The following TG variants were observed in gnomAD, a reference collection of about 807,000 sequenced individuals.
TG encodes the protein thyroid hormones.
Under a neutral mutation model 324.7 loss-of-function variants are expected in TG, and 270 were observed. That is an observed-to-expected ratio of 0.83 (90% CI 0.75 to 0.92). The LOEUF is 0.92. Ranked by LOEUF, TG falls within the 40% of genes least tolerant of loss-of-function variation. TG has a pLI of 0.00. For synonymous variants in TG, 1,401 were observed against 1,327.0 expected (o/e 1.06, Z -1.21); for missense variants, 3,591 against 3,456.4 (o/e 1.04, Z -0.98).
intron 34 of TG, among the ~76,000 whole-genome samples, chr8:132,975,701 A>AT (rs1484309252): frequency 6.6e-6 from 1 of 152,062 alleles, no homozygotes; most frequent in Non-Finnish European, 1.5e-5. Context: ...ATCTCACTTA[A>AT]TTTTCACACC....
intron 35 of TG, among the ~76,000 whole-genome samples, chr8:132,987,495 T>G (rs140281813): frequency 3.9e-4 from 59 of 152,330 alleles, no homozygotes; most frequent in Admixed American, 8.5e-4. Flanking sequence ...TCATATAATA[T>G]TCACAAGAAA....
intron 35 of TG, chr8:133,003,073 C>A (rs1377364024): frequency 1.1e-5 from 12 of 1,060,990 alleles, no homozygotes; most frequent in South Asian, 3.3e-5. Context: ...TTGTGTTTGT[C>A]ATTTTGGCGA....
intron 12 of TG, 115 bp from the exon 13 acceptor site, chr8:132,898,054 C>A: frequency 9.2e-7 from 1 of 1,091,410 alleles, no homozygotes; most frequent in Non-Finnish European, 1.4e-6. Flanking sequence ...AGACTGGGGA[C>A]AGAAGGCGAC....
chr8:133,048,395 G>A (rs1839855714), intron 41 of TG, among the ~76,000 whole-genome samples: 1 of 152,048 alleles, frequency 6.6e-6, no homozygotes, highest in African/African-American at 2.4e-5. Context: ...AACTTTTTGT[G>A]TTTTTAGTAG....
rs2069562 is a variant in TG, at chr8:132,967,913, G to T, written c.5806G>T (p.Ala1936Ser). The T allele has an allele frequency of 6.2e-7, 1 of 1,613,836 alleles. No homozygotes were observed. The highest frequency in any genetic ancestry group is 1.7e-5 in the Admixed American group (1 of 59,970). Residue 1936 changes from alanine (A) to serine (S), a missense_variant, in exon 31 of 48, where the codon GCC becomes TCC. Ala to Ser is a moderately conservative substitution (Grantham distance 99, BLOSUM62 1). Coordinates refer to ENST00000220616, the MANE Select transcript of TG (RefSeq NM_003235.5). ...GTGTGATGACATCATGGAGTCCAAT[G>T]CCCAGGGCTGCAGACTGATCCTGCC... ...QVCDDIMESN[A>S]QGCRLILPQM...
At chr8:132,967,136 T>C (rs1244194666) in intron 30 of TG, among the ~76,000 whole-genome samples, 1 of 148,318 alleles carries the variant, frequency 6.7e-6, no homozygotes. Flanking sequence ...CATCCATCCA[T>C]CCATCCATCC....
rs1364467943 is a variant in TG at position 132,898,214 on chromosome 8, C to T, written c.3185C>T (p.Ser1062Leu). The T allele has an allele frequency of 6.2e-7, 1 of 1,605,058 alleles. No homozygotes were observed. Among genetic ancestry groups the T allele is most frequent in the Non-Finnish European group, 8.5e-7 (1 of 1,176,056 alleles). The change falls in exon 13 of 48, where the codon TCA (serine) becomes TTA (leucine). Residue 1062 changes from serine to leucine, a missense_variant. Coordinates refer to ENST00000220616, the MANE Select transcript of TG (RefSeq NM_003235.5). ...VDEKGGFIPG[S>L]LTARSLQIPQ... ...GAGAAAGGAGGGTTCATCCCTGGCT[C>T]ACTGACTGCCCGCTCTCTGCAGATT...
chr8:133,113,402 G>A lies in TG; in HGVS notation c.7573-20G>A, dbSNP rs377588022. 1.0e-4 allele frequency: 165 copies of A among 1,612,142 alleles called. No individual in the cohort carries two copies. Among genetic ancestry groups the A allele is most frequent in the Non-Finnish European group, 1.3e-4 (150 of 1,178,628 alleles). Reference sequence around the variant, plus strand: ...TTTCAGAATCCAACTGAGGAATTTCGTATCTTTTTTTTTTTCTAGCAATTT... The same window carrying A: ...TTTCAGAATCCAACTGAGGAATTTCATATCTTTTTTTTTTTCTAGCAATTT... On this transcript the variant is annotated intron_variant, in intron 43 of 47. Coordinates refer to ENST00000220616, the MANE Select transcript of TG (RefSeq NM_003235.5).
At chr8:132,927,419 A>T (rs1822037841) in intron 22 of TG, among the ~76,000 whole-genome samples, 1 of 152,226 alleles carries the variant, frequency 6.6e-6, no homozygotes, top group African/African-American at 2.4e-5. Context: ...CTATGCAAAA[A>T]TGATGAAATA....
In TG at chr8:132,922,329, T is replaced by C. The variant is rs1000459773; in HGVS notation, c.4529-1009T>C. Among the ~76,000 whole-genome samples the C allele has an allele frequency of 2.0e-5, 3 of 151,216 alleles. No individual in the cohort carries two copies. The East Asian group carries it at 5.8e-4, about 29-fold the overall frequency. ...TATTCATCCATGGATTTGACTAGCA[T>C]TTATTGATTTTGGACAGAAGCTTGT... On this transcript the variant is annotated intron_variant, in intron 21 of 47. Coordinates refer to ENST00000220616, the MANE Select transcript of TG (RefSeq NM_003235.5).
intron 31 of TG, 49 bp downstream of exon 31, chr8:132,968,019 G>C (rs772952190): frequency 1.2e-6 from 2 of 1,600,756 alleles, no homozygotes; most frequent in African/African-American, 2.7e-5. Context: ...ATGTTCTGCT[G>C]GCTCTGTGGT....
chr8:132,962,968 G>T (rs1827979284), intron 28 of TG, 26 bp from the exon 29 acceptor site: 1 of 1,609,792 alleles, frequency 6.2e-7, no homozygotes, highest in African/African-American at 1.3e-5. Context: ...CCCCAACATT[G>T]CAACAACTCT....
intron 45 of TG, among the ~76,000 whole-genome samples, chr8:133,130,828 C>T (rs183256088): frequency 6.6e-6 from 1 of 152,244 alleles, no homozygotes; most frequent in Non-Finnish European, 1.5e-5. Context: ...TCCAGAAGCG[C>T]CTCCCGAGAA....
At chr8:133,114,346 C>A (rs1345293010) in intron 44 of TG, among the ~76,000 whole-genome samples, 1 of 152,160 alleles carries the variant, frequency 6.6e-6, no homozygotes, top group Non-Finnish European at 1.5e-5. Context: ...AGGCTGCAGC[C>A]CCCAGGCCCT....
chr8:132,983,782 A>G (rs1248013603), intron 35 of TG: 3 of 367,174 alleles, frequency 8.2e-6, no homozygotes, highest in Non-Finnish European at 1.6e-5. Context: ...CCAAAAAGGG[A>G]AAGAAGTCAG....
At chr8:132,923,819 A>C (rs1711616765) in intron 22 of TG, among the ~76,000 whole-genome samples, 4 of 152,084 alleles carry the variant, frequency 2.6e-5, no homozygotes, top group Non-Finnish European at 5.9e-5. Context: ...AGATCTGTGG[A>C]GGCCTCCATT....
At chr8:133,123,882 T>C (rs1395109469) in intron 45 of TG, among the ~76,000 whole-genome samples, 2 of 152,248 alleles carry the variant, frequency 1.3e-5, no homozygotes, top group African/African-American at 4.8e-5. Flanking sequence ...ATAGCACTTA[T>C]GCTTACTATG....
At chr8:133,062,294 G>T (rs1009606820) in intron 41 of TG, among the ~76,000 whole-genome samples, 2 of 152,238 alleles carry the variant, frequency 1.3e-5, no homozygotes, top group African/African-American at 2.4e-5. Flanking sequence ...AGCTGGGCAG[G>T]TTCTAACAGC....
chr8:133,091,507 C>T (rs1372674266), intron 41 of TG, among the ~76,000 whole-genome samples: 3 of 152,130 alleles, frequency 2.0e-5, no homozygotes, highest in Admixed American at 1.3e-4. Flanking sequence ...TCTGGGGAGG[C>T]TGCCTGAGGG....
Sources: allele counts gnomAD v4.1 joint callset (sites outside exome capture counted in the v4.1 genomes callset), GRCh38; gene constraint gnomAD v4.1.1; transcripts MANE v1.5; gene names NCBI Gene and HGNC (gene_info 2026-07-23, HGNC 2026-07-21).